The following CSMD2 variants were observed in gnomAD, a reference collection of about 807,000 sequenced individuals.
CSMD2 encodes the protein CUB and Sushi multiple domains 2.
CSMD2 carries 130 observed loss-of-function variants against 398.5 expected under a neutral mutation model. The observed-to-expected ratio is 0.33, with a 90% CI of 0.28 to 0.38. The LOEUF (loss-of-function observed/expected upper bound fraction) is 0.38, where lower values mean the gene tolerates loss of function less well. CSMD2 is among the 10% of genes least tolerant of loss of function. The probability of loss-of-function intolerance (pLI) is 1.00; values close to 1 mark genes in which losing one functional copy is unlikely to be tolerated. For synonymous variants in CSMD2, 1,828 were observed against 1,908.5 expected (o/e 0.96, Z 1.10); for missense variants, 3,829 against 4,764.9 (o/e 0.80, Z 5.78).
rs1397992359 is a variant in CSMD2 at position 33,578,246 on chromosome 1, C to T, written c.7388-762G>A. Among the ~76,000 whole-genome samples, 12 of 152,174 alleles carry T rather than the reference C, an allele frequency of 7.9e-5. No homozygotes were observed. In the East Asian group the frequency reaches 2.3e-3, roughly 29 times the overall value. On this transcript the variant is annotated intron_variant, in intron 48 of 70. Transcript: ENST00000373381. ...ATAGACATCAAGTATCTATTATCTT[C>T]CAGATATTGTTCTAAGTGCTTGCAA...
intron 25 of CSMD2, among the ~76,000 whole-genome samples, chr1:33,677,466 T>C (rs1033621618): frequency 5.9e-5 from 9 of 152,282 alleles, no homozygotes; most frequent in African/African-American, 2.2e-4. Context: ...CAACAGGTGC[T>C]GGAGAGGATG....
At chr1:33,760,428 T>C (rs958258990) in intron 13 of CSMD2, among the ~76,000 whole-genome samples, 1 of 152,162 alleles carries the variant, frequency 6.6e-6, no homozygotes, top group African/African-American at 2.4e-5. Flanking sequence ...GAGTCCACAC[T>C]CTTGGGGCTC....
chr1:33,788,056 A>G lies in CSMD2; in HGVS notation c.1663+544T>C, dbSNP rs138965734. 1.1e-3 allele frequency among the ~76,000 whole-genome samples: 161 copies of G among 152,288 alleles called. 1 individual carries two copies. In the East Asian group the frequency reaches 0.025, roughly 24 times the overall value. On this transcript the variant is annotated intron_variant, in intron 12 of 70. Transcript: ENST00000373381. ...GAACCAGGTATGAATTGGGGATGGA[A>G]CTGAGGTGTGCATCTGATGCTGGGT...
chr1:33,710,199 A>T (rs896185853), intron 21 of CSMD2, among the ~76,000 whole-genome samples: 1 of 152,148 alleles, frequency 6.6e-6, no homozygotes, highest in Admixed American at 6.5e-5. Flanking sequence ...GCATGCACAG[A>T]GGAATGGGAT....
chr1:33,568,160 C>T (rs968881698), intron 52 of CSMD2, among the ~76,000 whole-genome samples: 3 of 151,218 alleles, frequency 2.0e-5, no homozygotes, highest in South Asian at 2.1e-4. Flanking sequence ...AAACAAGAAA[C>T]GCCCCCAAAA....
intron 19 of CSMD2, among the ~76,000 whole-genome samples, chr1:33,719,806 G>T (rs143372505): frequency 6.6e-6 from 1 of 152,192 alleles, no homozygotes; most frequent in African/African-American, 2.4e-5. Flanking sequence ...CCCCCGAAGT[G>T]AGTCATAACT....
At chr1:33,814,569 G>T (rs1184336854) in intron 9 of CSMD2, among the ~76,000 whole-genome samples, 2 of 152,142 alleles carry the variant, frequency 1.3e-5, no homozygotes, top group Non-Finnish European at 2.9e-5. Flanking sequence ...CACTCTCTAA[G>T]AATGCAATTC....
At position 33,792,414 on chromosome 1, in the gene CSMD2, T is replaced by C; in HGVS notation, c.1550+9A>G. The C allele has an allele frequency of 6.3e-7, 1 of 1,596,742 alleles. No individual in the cohort carries two copies. The highest frequency in any genetic ancestry group is 8.6e-7 in the Non-Finnish European group (1 of 1,164,920). ...CCACCTTCCAAACAACATGCCCCAC[T>C]GCACTTACATGTAGAGAACTGTCTT... On this transcript the variant is annotated intron_variant, in intron 11 of 70. Coordinates refer to ENST00000373381, the MANE Select transcript of CSMD2 (RefSeq NM_001281956.2).
chr1:33,683,887 T>C (rs1247188981), intron 25 of CSMD2, among the ~76,000 whole-genome samples: 2 of 152,246 alleles, frequency 1.3e-5, no homozygotes, highest in South Asian at 2.1e-4. Context: ...GCTCTTGCAG[T>C]GTAAGTACAC....
intron 60 of CSMD2, among the ~76,000 whole-genome samples, chr1:33,539,432 T>C (rs1031128674): frequency 1.3e-5 from 2 of 152,196 alleles, no homozygotes; most frequent in Non-Finnish European, 2.9e-5. Flanking sequence ...TAAATATTGA[T>C]AAAGAAAGGT....
chr1:34,041,955 G>A (rs1166906170), intron 2 of CSMD2, among the ~76,000 whole-genome samples: 1 of 152,218 alleles, frequency 6.6e-6, no homozygotes, highest in Non-Finnish European at 1.5e-5. Context: ...AGTGGCAACA[G>A]GTCTCAGATG....
chr1:34,027,286 T>A (rs1031114308), intron 3 of CSMD2, among the ~76,000 whole-genome samples: 2 of 152,154 alleles, frequency 1.3e-5, no homozygotes, highest in African/African-American at 4.8e-5. Flanking sequence ...TGCTTCACCT[T>A]ACCTACAATC....
chr1:33,749,348 C>T (rs369127770), intron 13 of CSMD2, among the ~76,000 whole-genome samples: 91 of 152,196 alleles, frequency 6.0e-4, no homozygotes, highest in African/African-American at 2.1e-3. Flanking sequence ...ATCCACCCGC[C>T]TCGGCCTCCC....
chr1:33,720,465 G>A (rs1435837039), intron 19 of CSMD2, among the ~76,000 whole-genome samples: 1 of 152,184 alleles, frequency 6.6e-6, no homozygotes, highest in African/African-American at 2.4e-5. Context: ...GAAGGATGAA[G>A]GGCTGGCCAG....
intron 25 of CSMD2, among the ~76,000 whole-genome samples, chr1:33,679,792 G>A (rs1161847307): frequency 6.6e-6 from 1 of 151,984 alleles, no homozygotes; most frequent in Non-Finnish European, 1.5e-5. Flanking sequence ...GACAGATTTT[G>A]CTTTATGTTT....
intron 25 of CSMD2, among the ~76,000 whole-genome samples, chr1:33,665,456 CTCTCTTTTTTT>C (rs1052120063): frequency 7.5e-6 from 1 of 132,568 alleles, no homozygotes; most frequent in African/African-American, 2.9e-5. Context: ...TTTCTTTCTT[CTCTCTTTTTTT>C]TTTTTTTTTT....
intron 25 of CSMD2, among the ~76,000 whole-genome samples, chr1:33,680,830 C>T (rs1257908421): frequency 3.3e-5 from 5 of 151,754 alleles, no homozygotes; most frequent in Admixed American, 3.3e-4. Context: ...TTGTGTTAAA[C>T]CACTGAGATT....
intron 60 of CSMD2, among the ~76,000 whole-genome samples, chr1:33,539,840 T>G (rs998501977): frequency 6.6e-6 from 1 of 152,186 alleles, no homozygotes; most frequent in African/African-American, 2.4e-5. Flanking sequence ...CTGGCCCTAA[T>G]CTCTGAGGAA....
At chr1:33,722,293 C>T (rs1203115217) in intron 19 of CSMD2, among the ~76,000 whole-genome samples, 1 of 152,186 alleles carries the variant, frequency 6.6e-6, no homozygotes, top group East Asian at 1.9e-4. Context: ...TCCAGGACCA[C>T]CCTTGGATAC....
Sources: allele counts gnomAD v4.1 joint callset (sites outside exome capture counted in the v4.1 genomes callset), GRCh38; gene constraint gnomAD v4.1.1; transcripts MANE v1.5; gene names NCBI Gene and HGNC (gene_info 2026-07-23, HGNC 2026-07-21).